The following AJAP1 variants were observed in gnomAD, a reference collection of about 807,000 sequenced individuals.
The protein encoded by AJAP1 is adherens junction-associated protein 1.
AJAP1 carries 5 observed loss-of-function variants against 35.0 expected under a neutral mutation model. The observed-to-expected ratio is 0.14, with a 90% confidence interval of 0.07 to 0.30. AJAP1 has a LOEUF of 0.30. AJAP1 is among the 10% of genes least tolerant of loss of function. The pLI is 1.00. For missense variants in AJAP1, 586 were observed against 571.0 expected, an observed-to-expected ratio of 1.03 and a Z score of -0.27; for synonymous variants, 284 against 249.3, an observed-to-expected ratio of 1.14 and a Z score of -1.31.
chr1:4,739,783 G>T (rs567498362), intron 2 of AJAP1, among the ~76,000 whole-genome samples: 1 of 152,242 alleles, frequency 6.6e-6, no homozygotes, highest in Admixed American at 6.5e-5. Context: ...CAGCATGGTT[G>T]TGGCGGCCCT....
At position 4,790,317 on chromosome 1, in the gene AJAP1, C is replaced by A. The variant is rs1376955857; in HGVS notation, c.*7832C>A. ...TTCTAATATCAAGTTATGTGACTGC[C>A]TACCACTTAAGGCCTACAAAACCAC... On this transcript the variant is annotated 3_prime_UTR_variant, in exon 6 of 6. Transcript: ENST00000378191. 1 of 152,246 alleles carries A rather than the reference C, an allele frequency of 6.6e-6. No homozygotes were observed. Among genetic ancestry groups the A allele is most frequent in the African/African-American group, 2.4e-5 (1 of 41,468 alleles). The allele number at this position is 152,246 out of a possible 1,614,324, so 9.4% of individuals were successfully genotyped here.
At chr1:4,704,581 A>C (rs1178850799) in intron 1 of AJAP1, among the ~76,000 whole-genome samples, 1 of 152,144 alleles carries the variant, frequency 6.6e-6, no homozygotes, top group Non-Finnish European at 1.5e-5. Flanking sequence ...GTTAGTTCCA[A>C]GTCTTTGCTA....
In AJAP1 at chr1:4,772,279, G is replaced by T; in HGVS notation, c.918-1G>T. ...CCTACCCCAAACTCTTTCTCTTCCAGCTGTGCCCAAAGCGGGAACACTCGT... is the reference window on the plus strand; with the variant it reads ...CCTACCCCAAACTCTTTCTCTTCCATCTGTGCCCAAAGCGGGAACACTCGT... On this transcript the variant is annotated splice_acceptor_variant, in intron 3 of 5. Coordinates refer to ENST00000378191, the MANE Select transcript of AJAP1 (RefSeq NM_018836.4). LOFTEE classifies it high-confidence loss of function. The T allele has an allele frequency of 6.2e-7, 1 of 1,614,014 alleles. No homozygotes were observed. The highest frequency in any genetic ancestry group is 8.5e-7 in the Non-Finnish European group (1 of 1,179,970).
At chr1:4,714,847 C>T (rs1382325642) in intron 2 of AJAP1, among the ~76,000 whole-genome samples, 4 of 152,126 alleles carry the variant, frequency 2.6e-5, no homozygotes, top group Admixed American at 1.3e-4. Flanking sequence ...AGAGGAAATG[C>T]GGGGATGATT....
intron 2 of AJAP1, among the ~76,000 whole-genome samples, chr1:4,757,615 T>G (rs34072519): frequency 0.017 from 2,543 of 152,314 alleles, 64 homozygotes; most frequent in South Asian, 0.12. Flanking sequence ...CAGACACTCA[T>G]GGTACCTCCT....
At chr1:4,667,191 C>T (rs986898732) in intron 1 of AJAP1, among the ~76,000 whole-genome samples, 10 of 152,126 alleles carry the variant, frequency 6.6e-5, no homozygotes, top group African/African-American at 1.4e-4. Context: ...CCAGGAAACA[C>T]GTCTGCGGTC....
intron 1 of AJAP1, among the ~76,000 whole-genome samples, chr1:4,710,884 A>T (rs566223528): frequency 6.6e-6 from 1 of 152,248 alleles, no homozygotes; most frequent in South Asian, 2.1e-4. Context: ...GCGACCCCAG[A>T]CCTGGTGACA....
At chr1:4,710,209 CTG>C (rs948598341) in intron 1 of AJAP1, among the ~76,000 whole-genome samples, 80 of 152,246 alleles carry the variant, frequency 5.3e-4, no homozygotes, top group African/African-American at 1.9e-3. Context: ...CTCATACACA[CTG>C]ACACACACGA....
At chr1:4,752,916 C>A (rs1641350734) in intron 2 of AJAP1, among the ~76,000 whole-genome samples, 1 of 152,164 alleles carries the variant, frequency 6.6e-6, no homozygotes, top group African/African-American at 2.4e-5. Flanking sequence ...TTGCTCACAC[C>A]TCCTCATGTT....
At chr1:4,662,439 A>G (rs1417347970) in intron 1 of AJAP1, among the ~76,000 whole-genome samples, 1 of 152,142 alleles carries the variant, frequency 6.6e-6, no homozygotes, top group Non-Finnish European at 1.5e-5. Flanking sequence ...CCTGAATGGT[A>G]TCCTGATTTT....
At position 4,770,853 on chromosome 1, in the gene AJAP1, A is replaced by G. The variant is rs557795466; in HGVS notation, c.917+913A>G. Among the ~76,000 whole-genome samples the G allele has an allele frequency of 3.3e-5, 5 of 152,118 alleles. No individual in the cohort carries two copies. The South Asian group carries it at 1.0e-3, about 32-fold the overall frequency. Reference sequence around the variant, plus strand: ...AGCACAGCCCCACAACAGACCTCCCACTCGGCTAGCGAGGCCTCAAAGCCA... The same window carrying G: ...AGCACAGCCCCACAACAGACCTCCCGCTCGGCTAGCGAGGCCTCAAAGCCA... On this transcript the variant is annotated intron_variant, in intron 3 of 5. Coordinates refer to ENST00000378191, the MANE Select transcript of AJAP1 (RefSeq NM_018836.4).
chr1:4,762,391 C>T (rs538116127), intron 2 of AJAP1, among the ~76,000 whole-genome samples: 44 of 152,232 alleles, frequency 2.9e-4, no homozygotes, highest in African/African-American at 9.6e-4. Flanking sequence ...GAACTAGGGC[C>T]GTGGGGTATT....
chr1:4,759,525 C>G (rs1053229888), intron 2 of AJAP1, among the ~76,000 whole-genome samples: 1 of 152,130 alleles, frequency 6.6e-6, no homozygotes, highest in African/African-American at 2.4e-5. Flanking sequence ...GGAGCTGGCT[C>G]AAGCCTCTGC....
chr1:4,745,331 C>T (rs1272856990), intron 2 of AJAP1, among the ~76,000 whole-genome samples: 3 of 152,010 alleles, frequency 2.0e-5, no homozygotes, highest in African/African-American at 7.3e-5. Flanking sequence ...GTTCCATCCT[C>T]AGAGGGAGGG....
At chr1:4,736,852 A>G (rs923573742) in intron 2 of AJAP1, among the ~76,000 whole-genome samples, 4 of 152,174 alleles carry the variant, frequency 2.6e-5, no homozygotes, top group African/African-American at 9.6e-5. Context: ...CTGGTTGGAA[A>G]GAGGGCTTCT....
At chr1:4,681,398 C>T (rs1309774360) in intron 1 of AJAP1, among the ~76,000 whole-genome samples, 1 of 152,228 alleles carries the variant, frequency 6.6e-6, no homozygotes, top group Non-Finnish European at 1.5e-5. Context: ...GAGGCAGGGG[C>T]TGCCAGCCAC....
intron 5 of AJAP1, among the ~76,000 whole-genome samples, chr1:4,779,201 A>C (rs1476111076): frequency 6.6e-6 from 1 of 152,182 alleles, no homozygotes; most frequent in East Asian, 1.9e-4. Flanking sequence ...TGAGATTTGC[A>C]ACTTGAAATC....
chr1:4,703,685 G>A (rs1640037724), intron 1 of AJAP1, among the ~76,000 whole-genome samples: 4 of 152,190 alleles, frequency 2.6e-5, no homozygotes, highest in Admixed American at 1.3e-4. Flanking sequence ...GGTACTTGAA[G>A]TTTTATCCTA....
At chr1:4,674,607 G>C (rs1427807260) in intron 1 of AJAP1, among the ~76,000 whole-genome samples, 2 of 152,226 alleles carry the variant, frequency 1.3e-5, no homozygotes, top group Non-Finnish European at 2.9e-5. Flanking sequence ...CAGCTGGGTA[G>C]GCACCAGGAG....
Sources: gnomAD v4.1 joint callset for allele counts (sites outside exome capture counted in the v4.1 genomes callset) on GRCh38, gnomAD v4.1.1 for gene constraint, MANE v1.5 for transcripts, NCBI Gene and HGNC (gene_info 2026-07-23, HGNC 2026-07-21) for gene names.